The following PARD3B variants were observed in gnomAD, a reference collection of about 807,000 sequenced individuals.
The protein encoded by PARD3B is par-3 family cell polarity regulator beta.
In PARD3B, 103 loss-of-function variants were observed where a neutral mutation model predicts 130.2. The observed-to-expected ratio is 0.79, with a 90% confidence interval of 0.67 to 0.93. The LOEUF (loss-of-function observed/expected upper bound fraction) is 0.93. Among genes scored for constraint, PARD3B ranks in the 40% least tolerant of loss-of-function variants. PARD3B has a pLI of 0.00. For synonymous variants in PARD3B, 583 were observed against 553.2 expected, an observed-to-expected ratio of 1.05 and a Z score of -0.76; for missense variants, 1,609 against 1,499.2, an observed-to-expected ratio of 1.07 and a Z score of -1.21.
intron 3 of PARD3B, among the ~76,000 whole-genome samples, chr2:204,979,819 A>T (rs1692515519): frequency 6.6e-6 from 1 of 152,214 alleles, no homozygotes; most frequent in Non-Finnish European, 1.5e-5. Context: ...ACCTCACACT[A>T]TATACAAAAA....
At chr2:205,547,057 T>G (rs1007214650) in intron 21 of PARD3B, among the ~76,000 whole-genome samples, 11 of 152,066 alleles carry the variant, frequency 7.2e-5, no homozygotes, top group Non-Finnish European at 1.2e-4. Flanking sequence ...GGAACAGAAA[T>G]GTATCCCCAC....
At chr2:205,314,230 A>G (rs912794947) in intron 18 of PARD3B, among the ~76,000 whole-genome samples, 14 of 152,214 alleles carry the variant, frequency 9.2e-5, no homozygotes, top group African/African-American at 3.4e-4. Context: ...TCCATCTTCA[A>G]GATGCATGAG....
At chr2:204,835,098 G>A (rs756786514) in intron 2 of PARD3B, among the ~76,000 whole-genome samples, 2 of 152,190 alleles carry the variant, frequency 1.3e-5, no homozygotes, top group Non-Finnish European at 2.9e-5. Context: ...GAAAGCTCTT[G>A]GAGAACTGGA....
chr2:204,630,007 T>C (rs1314401063), intron 1 of PARD3B, among the ~76,000 whole-genome samples: 1 of 152,218 alleles, frequency 6.6e-6, no homozygotes, highest in African/African-American at 2.4e-5. Flanking sequence ...AGAGTATATG[T>C]GCTCCTATAC....
chr2:205,388,011 T>C (rs1475514717), intron 18 of PARD3B, among the ~76,000 whole-genome samples: 2 of 152,174 alleles, frequency 1.3e-5, no homozygotes, highest in African/African-American at 2.4e-5. Flanking sequence ...ATTTATCTCA[T>C]TTTTAAAAAG....
chr2:205,117,374 T>C (rs2029946412), intron 6 of PARD3B, among the ~76,000 whole-genome samples: 1 of 152,232 alleles, frequency 6.6e-6, no homozygotes, highest in African/African-American at 2.4e-5. Context: ...GGCTGTTTGC[T>C]GTTCTTTCTC....
At chr2:204,720,533 G>A (rs895683968) in intron 2 of PARD3B, among the ~76,000 whole-genome samples, 6 of 152,288 alleles carry the variant, frequency 3.9e-5, no homozygotes, top group Non-Finnish European at 7.4e-5. Context: ...ATATGAAAAA[G>A]AAATCAGATG....
chr2:205,176,713 C>T lies in PARD3B; in HGVS notation c.1924+136C>T, dbSNP rs2035493712. The T allele has an allele frequency of 3.0e-6, 3 of 989,202 alleles. No homozygotes were observed. The highest frequency in any genetic ancestry group is 3.4e-5 in the African/African-American group (2 of 58,420). 61.3% of individuals were successfully genotyped at this position (989,202 alleles called of 1,614,324 possible). A position where few individuals can be genotyped will look rare whatever the true frequency, so the allele number is the denominator to read the frequency against. ...AGACTTTGTTACTCGGAGTCACAAA[C>T]ACTGAGAGAGTTGGGGGAGAGCTGA... On this transcript the variant is annotated intron_variant, in intron 13 of 22. Transcript: ENST00000406610. The surrounding 1 kb of genome is among the most constrained non-coding windows in gnomAD (Gnocchi z 5.3).
At chr2:205,001,045 A>G (rs939015886) in intron 3 of PARD3B, among the ~76,000 whole-genome samples, 10 of 152,106 alleles carry the variant, frequency 6.6e-5, no homozygotes, top group African/African-American at 1.9e-4. Flanking sequence ...GCTGAATGCA[A>G]TGGTGCTATC....
chr2:205,148,533 C>T (rs2033526551), intron 10 of PARD3B, among the ~76,000 whole-genome samples: 1 of 152,064 alleles, frequency 6.6e-6, no homozygotes, highest in African/African-American at 2.4e-5. Context: ...TAAATAATTT[C>T]AGAAAATTAA....
intron 16 of PARD3B, chr2:205,293,913 A>G (rs2041697918): frequency 6.6e-6 from 1 of 152,164 alleles, no homozygotes; most frequent in Non-Finnish European, 1.5e-5. Flanking sequence ...TAGGAAAGGT[A>G]GGTAACATTT....
In PARD3B at chr2:205,301,307, G is replaced by A. The variant is rs2041987980; in HGVS notation, c.2393-157G>A. Among the ~76,000 whole-genome samples the A allele has an allele frequency of 6.6e-6, 1 of 152,194 alleles. No individual in the cohort carries two copies. The highest frequency in any genetic ancestry group is 2.1e-4 in the South Asian group (1 of 4,824). ...GTCTTGCTCGAAGTAACCAGATTTA[G>A]GCAGTCAGATCTTCAAAGGGCGCAC... On this transcript the variant is annotated intron_variant, in intron 17 of 22. Coordinates refer to ENST00000406610, the MANE Select transcript of PARD3B (RefSeq NM_001302769.2). This position sits in a 1 kb window ranked among gnomAD's most constrained non-coding sequence, Gnocchi z 5.2.
Position 204,623,211 on chromosome 2 carries a change from A to G in PARD3B, c.121-62970A>G, listed in dbSNP as rs189030167. ...ATACCACAGGGAGGTCCCACATACT[A>G]TTCACCCAGTTTCTTTCACTGGTTG... On this transcript the variant is annotated intron_variant, in intron 1 of 22. Coordinates refer to ENST00000406610, the MANE Select transcript of PARD3B (RefSeq NM_001302769.2). This position sits in a 1 kb window ranked among gnomAD's most constrained non-coding sequence, Gnocchi z 4.5. Among the ~76,000 whole-genome samples, 14 of 152,282 alleles carry G rather than the reference A, an allele frequency of 9.2e-5. No individual in the cohort carries two copies. The highest frequency in any genetic ancestry group is 3.1e-4 in the African/African-American group (13 of 41,574).
intron 2 of PARD3B, among the ~76,000 whole-genome samples, chr2:204,722,724 T>C (rs2039054132): frequency 1.3e-5 from 2 of 152,188 alleles, no homozygotes; most frequent in African/African-American, 4.8e-5. Context: ...TCGTGAGTAC[T>C]TAAAATTCAC....
At chr2:205,208,882 A>G (rs1362450795) in intron 15 of PARD3B, among the ~76,000 whole-genome samples, 1 of 140,482 alleles carries the variant, frequency 7.1e-6, no homozygotes, top group East Asian at 2.0e-4. Context: ...TAAAGTTCAT[A>G]TGGAACCAAA....
Position 205,366,595 on chromosome 2 carries a change from C to T in PARD3B, c.2631-34418C>T, listed in dbSNP as rs2105895997. The stretch of plus-strand genomic sequence containing the variant: ...AGCTCTCTTAACTTGCAGGGTATTG[C>T]TTTATCTTATCATGCTACCTGTCAG... On this transcript the variant is annotated intron_variant, in intron 18 of 22. Coordinates refer to ENST00000406610, the MANE Select transcript of PARD3B (RefSeq NM_001302769.2). This position sits in a 1 kb window ranked among gnomAD's most constrained non-coding sequence, Gnocchi z 5.0. Among the ~76,000 whole-genome samples the T allele has an allele frequency of 6.6e-6, 1 of 152,284 alleles. No individual in the cohort carries two copies. Among genetic ancestry groups the T allele is most frequent in the African/African-American group, 2.4e-5 (1 of 41,580 alleles).
At chr2:205,577,828 CTGAG>C (rs1041267005) in intron 22 of PARD3B, among the ~76,000 whole-genome samples, 21 of 152,182 alleles carry the variant, frequency 1.4e-4, no homozygotes, top group Admixed American at 1.2e-3. Context: ...AAGTAACTTC[CTGAG>C]TATTTGGCCT....
intron 22 of PARD3B, among the ~76,000 whole-genome samples, chr2:205,571,114 T>C (rs188452129): frequency 6.6e-6 from 1 of 152,338 alleles, no homozygotes; most frequent in African/African-American, 2.4e-5. Flanking sequence ...GCAAATGTGT[T>C]TTATTCATTC....
chr2:204,573,787 C>G (rs2125071256), intron 1 of PARD3B, among the ~76,000 whole-genome samples: 1 of 152,314 alleles, frequency 6.6e-6, no homozygotes, highest in East Asian at 1.9e-4. Context: ...TTTCTTTTGT[C>G]AGAGTCTACA....
Sources: allele counts gnomAD v4.1 joint callset (sites outside exome capture counted in the v4.1 genomes callset), GRCh38; gene constraint gnomAD v4.1.1; non-coding constraint Gnocchi (gnomAD v3.1); transcripts MANE v1.5; gene names NCBI Gene and HGNC (gene_info 2026-07-23, HGNC 2026-07-21).